NCAM2: variants seen among roughly 807,000 people sequenced by gnomAD.
NCAM2 encodes N-CAM-2.
NCAM2 carries 30 observed loss-of-function variants against 98.1 expected under a neutral mutation model. The observed-to-expected ratio is 0.31, with a 90% CI of 0.23 to 0.41. The LOEUF is 0.41. Ranked by LOEUF, NCAM2 falls within the 10% of genes least tolerant of loss-of-function variation. The probability of loss-of-function intolerance (pLI) is 1.00; values close to 1 mark genes in which losing one functional copy is unlikely to be tolerated. For missense variants in NCAM2, 867 were observed against 1,005.8 expected (o/e 0.86, Z 1.87); for synonymous variants, 368 against 342.4 (o/e 1.07, Z -0.83).
intron 5 of NCAM2, among the ~76,000 whole-genome samples, chr21:21,303,845 A>G (rs943709151): frequency 6.6e-6 from 1 of 152,062 alleles, no homozygotes; most frequent in African/African-American, 2.4e-5. Context: ...CATGTTGTGG[A>G]TTTAATTTGC....
chr21:21,017,373 C>G (rs35384524), intron 1 of NCAM2, among the ~76,000 whole-genome samples: 24,564 of 124,324 alleles, frequency 0.2, 2,590 homozygotes, highest in Middle Eastern at 0.34. Flanking sequence ...TTGCATTGAA[C>G]AGATATCACG....
chr21:21,254,460 A>G (rs2071587884), intron 1 of NCAM2, among the ~76,000 whole-genome samples: 1 of 152,192 alleles, frequency 6.6e-6, no homozygotes, highest in African/African-American at 2.4e-5. Context: ...CTGCTAGTTA[A>G]GTCGTGTTTG....
chr21:21,261,403 C>T (rs1403818369), intron 1 of NCAM2, among the ~76,000 whole-genome samples: 1 of 152,054 alleles, frequency 6.6e-6, no homozygotes, highest in Non-Finnish European at 1.5e-5. Flanking sequence ...TTTTTCCCCT[C>T]ATCTGTGCAT....
intron 15 of NCAM2, among the ~76,000 whole-genome samples, chr21:21,480,383 A>AAAG (rs1441102721): frequency 1.3e-5 from 2 of 151,080 alleles, no homozygotes; most frequent in African/African-American, 4.9e-5. Context: ...AAAAAAAAAA[A>AAAG]AAAAGAATAA....
rs560818520 is a variant in NCAM2, at chr21:21,515,438, G to T, written c.2282+6383G>T. On this transcript the variant is annotated intron_variant, in intron 16 of 17. Coordinates refer to ENST00000400546, the MANE Select transcript of NCAM2 (RefSeq NM_004540.5). ...AAAATGTTTCTACCTATAACCACTT[G>T]TCTTAAAATACATGTACTCATGAAA... Among the ~76,000 whole-genome samples the T allele has an allele frequency of 3.3e-5, 5 of 152,168 alleles. No homozygotes were observed. In the South Asian group the frequency reaches 1.0e-3, roughly 32 times the overall value.
rs1046581927 is a variant in NCAM2, at chr21:21,374,937, CA to C, written c.1195+925del. Among the ~76,000 whole-genome samples the C allele has an allele frequency of 1.4e-4, 21 of 151,504 alleles. 1 individual carries two copies. Among genetic ancestry groups the C allele is most frequent in the African/African-American group, 1.2e-4 (5 of 41,312 alleles). On this transcript the variant is annotated intron_variant, in intron 9 of 17. Coordinates refer to ENST00000400546, the MANE Select transcript of NCAM2 (RefSeq NM_004540.5). The stretch of plus-strand genomic sequence containing the variant: ...GACATAAGTTATCCATATTATTTTA[CA>C]TTTTATAGACTGTGCTTGTCAAGAA...
Position 21,284,212 on chromosome 21 carries a change from G to A in NCAM2, c.149G>A (p.Ser50Asn). 4 of 1,611,716 alleles carry A rather than the reference G, an allele frequency of 2.5e-6. No homozygotes were observed. The highest frequency in any genetic ancestry group is 3.4e-6 in the Non-Finnish European group (4 of 1,178,190). The change falls in exon 3 of 18, where the codon AGT becomes AAT. Residue 50 changes from serine (S) to asparagine (N), a missense_variant. Transcript: ENST00000400546. ...TTTGCAGCGATTGGTGAACCTGAAA[G>A]TATAGATTGGTATAATCCTCAAGGA... ...FTCTAIGEPE[S>N]IDWYNPQGEK...
intron 16 of NCAM2, among the ~76,000 whole-genome samples, chr21:21,515,049 T>G (rs1569132488): frequency 1.3e-5 from 2 of 152,216 alleles, no homozygotes; most frequent in Non-Finnish European, 2.9e-5. Context: ...TTTAAAAATG[T>G]TACAATTTGT....
intron 9 of NCAM2, among the ~76,000 whole-genome samples, chr21:21,385,056 A>G (rs1352890355): frequency 2.6e-5 from 4 of 151,966 alleles, no homozygotes; most frequent in South Asian, 4.1e-4. Flanking sequence ...TATTTATTAA[A>G]TCTTAATTCC....
intron 1 of NCAM2, among the ~76,000 whole-genome samples, chr21:21,116,553 C>T (rs1042997405): frequency 2.6e-5 from 4 of 152,240 alleles, no homozygotes; most frequent in Non-Finnish European, 5.9e-5. Context: ...AGTAGGTACT[C>T]AAGAAATACT....
intron 12 of NCAM2, among the ~76,000 whole-genome samples, chr21:21,462,637 C>A (rs1358357157): frequency 6.6e-6 from 1 of 151,826 alleles, no homozygotes; most frequent in African/African-American, 2.4e-5. Flanking sequence ...ATTTTTCTGT[C>A]ATTTTTAAGT....
At chr21:21,435,507 C>CG (rs1978301128) in intron 12 of NCAM2, among the ~76,000 whole-genome samples, 1 of 152,044 alleles carries the variant, frequency 6.6e-6, no homozygotes, top group Admixed American at 6.6e-5. Flanking sequence ...GCTTACATTG[C>CG]GGGGAGTGGG....
At chr21:21,400,159 G>C (rs1315747517) in intron 9 of NCAM2, among the ~76,000 whole-genome samples, 1 of 152,146 alleles carries the variant, frequency 6.6e-6, no homozygotes, top group African/African-American at 2.4e-5. Context: ...TGTCCTGAAT[G>C]AAACATTGAG....
chr21:21,409,865 C>T (rs963041908), intron 9 of NCAM2, among the ~76,000 whole-genome samples: 11 of 152,208 alleles, frequency 7.2e-5, no homozygotes, highest in Non-Finnish European at 1.2e-4. Context: ...AATTCCAGCA[C>T]TTTGGGAGTC....
chr21:21,526,389 G>A (rs1361272824), intron 16 of NCAM2, among the ~76,000 whole-genome samples: 4 of 151,740 alleles, frequency 2.6e-5, no homozygotes, highest in Non-Finnish European at 4.4e-5. Context: ...TTAGCACCCC[G>A]CAAAATTAAA....
intron 1 of NCAM2, among the ~76,000 whole-genome samples, chr21:21,212,574 T>C (rs2069699552): frequency 6.6e-6 from 1 of 152,066 alleles, no homozygotes; most frequent in Non-Finnish European, 1.5e-5. Flanking sequence ...TGAATACAGG[T>C]AAACCTGGGG....
chr21:21,139,372 T>C (rs2067121854), intron 1 of NCAM2, among the ~76,000 whole-genome samples: 1 of 152,248 alleles, frequency 6.6e-6, no homozygotes, highest in Non-Finnish European at 1.5e-5. Flanking sequence ...TTTTAAGCCA[T>C]CAGGTTTGTG....
At chr21:21,240,424 A>G (rs1336370362) in intron 1 of NCAM2, among the ~76,000 whole-genome samples, 1 of 151,666 alleles carries the variant, frequency 6.6e-6, no homozygotes. Context: ...TGTTTCTGAG[A>G]AAAAAGATGG....
intron 1 of NCAM2, among the ~76,000 whole-genome samples, chr21:21,262,067 C>T (rs1244732409): frequency 6.6e-6 from 1 of 151,980 alleles, no homozygotes; most frequent in Non-Finnish European, 1.5e-5. Flanking sequence ...ACTCAAAGAC[C>T]ACTATGAACA....
Sources: gnomAD v4.1 joint callset for allele counts (sites outside exome capture counted in the v4.1 genomes callset) on GRCh38, gnomAD v4.1.1 for gene constraint, MANE v1.5 for transcripts, NCBI Gene and HGNC (gene_info 2026-07-23, HGNC 2026-07-21) for gene names.